Variants in TCF12 observed in about 807,000 individuals in gnomAD.
TCF12 encodes transcription factor 12.
In TCF12, 45 loss-of-function variants were observed where a neutral mutation model predicts 86.0. The observed-to-expected ratio is 0.52, with a 90% confidence interval of 0.41 to 0.67. TCF12 has a LOEUF of 0.67. TCF12 is among the 30% of genes least tolerant of loss of function. TCF12 has a pLI of 0.00. For synonymous variants in TCF12, 330 were observed against 299.6 expected (o/e 1.10, Z -1.05); for missense variants, 881 against 859.9 (o/e 1.02, Z -0.31).
At chr15:57,015,990 C>A (rs2065130930) in intron 3 of TCF12, among the ~76,000 whole-genome samples, 1 of 152,136 alleles carries the variant, frequency 6.6e-6, no homozygotes, top group Non-Finnish European at 1.5e-5. Context: ...AAGGAAACAT[C>A]ATATAGTTCT....
At chr15:57,198,511 T>G (rs1380187738) in intron 8 of TCF12, among the ~76,000 whole-genome samples, 1 of 152,184 alleles carries the variant, frequency 6.6e-6, no homozygotes, top group African/African-American at 2.4e-5. Flanking sequence ...CATGATAATC[T>G]AATACTGTAG....
intron 3 of TCF12, among the ~76,000 whole-genome samples, chr15:57,001,012 A>ATTTT (rs71113050): frequency 1.1e-4 from 14 of 126,730 alleles, no homozygotes; most frequent in East Asian, 2.2e-4. Flanking sequence ...TTTAAAAAAA[A>ATTTT]TTTTTTTTTT....
intron 3 of TCF12, among the ~76,000 whole-genome samples, chr15:57,046,807 G>A (rs1174875106): frequency 6.6e-6 from 1 of 152,156 alleles, no homozygotes; most frequent in Non-Finnish European, 1.5e-5. Flanking sequence ...AATCTCTCAA[G>A]TTTCCTTCAC....
At chr15:57,203,246 C>G (rs901230267) in intron 8 of TCF12, among the ~76,000 whole-genome samples, 1 of 152,190 alleles carries the variant, frequency 6.6e-6, no homozygotes, top group Non-Finnish European at 1.5e-5. Context: ...TCTGAACTCT[C>G]AGGAGTCGAC....
At chr15:57,095,890 T>C (rs1410815123) in intron 5 of TCF12, among the ~76,000 whole-genome samples, 1 of 152,158 alleles carries the variant, frequency 6.6e-6, no homozygotes, top group African/African-American at 2.4e-5. Context: ...AGGCCACAAC[T>C]AGAATTATAA....
In TCF12 at chr15:57,203,772, A is replaced by C. The variant is rs752587509; in HGVS notation, c.579+5947A>C. Among the ~76,000 whole-genome samples the C allele has an allele frequency of 1.1e-3, 175 of 152,194 alleles. 2 individuals carry two copies. The highest frequency in any genetic ancestry group is 2.6e-4 in the Non-Finnish European group (18 of 68,024). ...ATCAAGAAAAATATTTTGTCAGGGC[A>C]CGGTGGCTGTAGTCCCAAGGCAGGA... On this transcript the variant is annotated intron_variant, in intron 8 of 20. Coordinates refer to ENST00000333725, the MANE Select transcript of TCF12 (RefSeq NM_207037.2).
intron 3 of TCF12, among the ~76,000 whole-genome samples, chr15:57,056,325 C>T (rs145912268): frequency 6.6e-6 from 1 of 151,834 alleles, no homozygotes. Flanking sequence ...TATTTTCAGT[C>T]GAGATGGGGT....
intron 3 of TCF12, among the ~76,000 whole-genome samples, chr15:56,984,249 G>GGGGT (rs1272890475): frequency 4.9e-5 from 6 of 122,988 alleles, no homozygotes; most frequent in East Asian, 2.4e-4. Context: ...GCATGTGCAT[G>GGGGT]GTGTGTGTGT....
chr15:57,093,148 C>A (rs2049099271), intron 5 of TCF12, among the ~76,000 whole-genome samples: 1 of 152,068 alleles, frequency 6.6e-6, no homozygotes, highest in Non-Finnish European at 1.5e-5. Context: ...CATAGAAAAT[C>A]ATGGTATTAT....
At position 57,288,402 on chromosome 15, in the gene TCF12, C is replaced by T. The variant is rs1193819419; in HGVS notation, c.*2257C>T. On this transcript the variant is annotated 3_prime_UTR_variant, in exon 21 of 21. Coordinates refer to ENST00000333725, the MANE Select transcript of TCF12 (RefSeq NM_207037.2). ...CAAATTCAAGGTATTATTGATAAAC[C>T]TTTTCAACCAGCAGCAAGAAGTTCA... 1 of 152,524 alleles carries T rather than the reference C, an allele frequency of 6.6e-6. No individual in the cohort carries two copies. Among genetic ancestry groups the T allele is most frequent in the Non-Finnish European group, 1.5e-5 (1 of 68,030 alleles). The allele number at this position is 152,524 out of a possible 1,614,324, so 9.4% of individuals were successfully genotyped here. A position where few individuals can be genotyped will look rare whatever the true frequency, so the allele number is the denominator to read the frequency against.
intron 6 of TCF12, among the ~76,000 whole-genome samples, chr15:57,177,114 A>G (rs2055971365): frequency 6.6e-6 from 1 of 152,132 alleles, no homozygotes; most frequent in African/African-American, 2.4e-5. Context: ...TTGAATCTGA[A>G]CCATGTGATC....
chr15:57,068,230 A>G (rs1407438678), intron 4 of TCF12, among the ~76,000 whole-genome samples: 1 of 152,182 alleles, frequency 6.6e-6, no homozygotes, highest in Non-Finnish European at 1.5e-5. Context: ...GTTGTTGAGG[A>G]TTAAATGAGG....
Position 57,232,843 on chromosome 15 carries a change from A to G in TCF12, c.957A>G (p.Ser319=). ...CACACACTCCTCCCATCAATGGATC[A>G]GACAGCATTCTAGGTGAGCTTTTTG... ...AASHTPPING[S]DSILGTRGNA... is the part of the protein sequence containing the mutation. Residue 319 remains serine (S), a synonymous_variant, in exon 11 of 21, where the codon TCA becomes TCG. Coordinates refer to ENST00000333725, the MANE Select transcript of TCF12 (RefSeq NM_207037.2). 3.1e-6 allele frequency: 5 copies of G among 1,594,222 alleles called. No individual in the cohort carries two copies. The highest frequency in any genetic ancestry group is 4.3e-6 in the Non-Finnish European group (5 of 1,170,526).
At chr15:57,123,918 C>T (rs1373920733) in intron 5 of TCF12, among the ~76,000 whole-genome samples, 3 of 148,794 alleles carry the variant, frequency 2.0e-5, no homozygotes, top group East Asian at 3.9e-4. Context: ...TGCAGTTAGC[C>T]GAGATGCGCC....
chr15:56,974,486 C>T (rs1289718793), intron 3 of TCF12, among the ~76,000 whole-genome samples: 2 of 151,988 alleles, frequency 1.3e-5, no homozygotes, highest in Non-Finnish European at 2.9e-5. Context: ...TAAAAAGATA[C>T]TTTACAGAAG....
At chr15:57,231,452 C>A (rs909496216) in intron 9 of TCF12, among the ~76,000 whole-genome samples, 195 bp downstream of exon 9, 1 of 152,064 alleles carries the variant, frequency 6.6e-6, no homozygotes, top group Non-Finnish European at 1.5e-5. Flanking sequence ...ATCTAGCAAA[C>A]CATTGGAGTG....
chr15:57,246,320 A>C (rs955646973), intron 13 of TCF12, among the ~76,000 whole-genome samples: 4 of 152,184 alleles, frequency 2.6e-5, no homozygotes, highest in Non-Finnish European at 5.9e-5. Flanking sequence ...ATACATTTCT[A>C]CATAGAGAGT....
At chr15:56,964,407 A>C (rs1211414620) in intron 3 of TCF12, among the ~76,000 whole-genome samples, 1 of 152,132 alleles carries the variant, frequency 6.6e-6, no homozygotes, top group Non-Finnish European at 1.5e-5. Flanking sequence ...TACCTCACCA[A>C]CTTTCTCTCT....
At chr15:57,172,379 G>A (rs1214669247) in intron 6 of TCF12, among the ~76,000 whole-genome samples, 2 of 152,056 alleles carry the variant, frequency 1.3e-5, no homozygotes, top group South Asian at 2.1e-4. Flanking sequence ...ATTAACTATC[G>A]ACAACCTTGA....
Sources: gnomAD v4.1 joint callset for allele counts (sites outside exome capture counted in the v4.1 genomes callset) on GRCh38, gnomAD v4.1.1 for gene constraint, MANE v1.5 for transcripts, NCBI Gene and HGNC (gene_info 2026-07-23, HGNC 2026-07-21) for gene names.